The following AAK1 variants were observed in gnomAD, a reference collection of about 807,000 sequenced individuals.
The protein encoded by AAK1 is AP2-associated protein kinase 1.
AAK1 carries 37 observed loss-of-function variants against 116.0 expected under a neutral mutation model. That is an observed-to-expected ratio of 0.32 (90% CI 0.25 to 0.42). AAK1 has a LOEUF of 0.42. Among genes scored for constraint, AAK1 ranks in the 10% least tolerant of loss-of-function variants. The pLI, the probability that AAK1 is intolerant of heterozygous loss-of-function variation, is 1.00. For missense variants in AAK1, 919 were observed against 1,170.6 expected (o/e 0.79, Z 3.14); for synonymous variants, 458 against 439.9 (o/e 1.04, Z -0.51).
At chr2:69,522,690 G>T (rs542919387) in intron 10 of AAK1, among the ~76,000 whole-genome samples, 1 of 152,150 alleles carries the variant, frequency 6.6e-6, no homozygotes, top group South Asian at 2.1e-4. Context: ...TGTAGTCCCA[G>T]CTACTCGGGA....
rs1674545178 is a variant in AAK1 at position 69,467,982 on chromosome 2, A to T, written c.*7887T>A. 1.0e-6 allele frequency: 1 copy of T among 985,324 alleles called. No individual in the cohort carries two copies. Among genetic ancestry groups the T allele is most frequent in the Non-Finnish European group, 1.2e-6 (1 of 829,934 alleles). 61.0% of individuals were successfully genotyped at this position (985,324 alleles called of 1,614,324 possible). ...TATTGTTTTCAGAAACAGAACAAAAATGTGTTTGTCCTCCATTTTTATTTT... is the reference window on the plus strand; with the variant it reads ...TATTGTTTTCAGAAACAGAACAAAATTGTGTTTGTCCTCCATTTTTATTTT... On this transcript the variant is annotated 3_prime_UTR_variant, in exon 22 of 22. Coordinates refer to ENST00000409085, the MANE Select transcript of AAK1 (RefSeq NM_014911.5).
chr2:69,496,855 C>T (rs115591704), intron 16 of AAK1, among the ~76,000 whole-genome samples: 236 of 152,228 alleles, frequency 1.6e-3, no homozygotes, highest in African/African-American at 3.8e-3. Flanking sequence ...TAGTGATAGG[C>T]AGACACACAG....
chr2:69,642,618 T>C (rs1435418223), intron 2 of AAK1, among the ~76,000 whole-genome samples: 1 of 152,038 alleles, frequency 6.6e-6, no homozygotes, highest in African/African-American at 2.4e-5. Flanking sequence ...ATCCTCAAAA[T>C]TTGGCTTCTC....
chr2:69,469,658 C>G lies in AAK1; in HGVS notation c.*6211G>C. The G allele has an allele frequency of 1.0e-6, 1 of 985,462 alleles. No homozygotes were observed. Among genetic ancestry groups the G allele is most frequent in the Non-Finnish European group, 1.2e-6 (1 of 829,946 alleles). The allele number at this position is 985,462 out of a possible 1,614,324, so 61.0% of individuals were successfully genotyped here. A position where few individuals can be genotyped will look rare whatever the true frequency, so the allele number is the denominator to read the frequency against. The stretch of plus-strand genomic sequence containing the variant: ...TCAGGGGCTAAAGCCCAGGGCCTGG[C>G]TTCATAGTCTGCACAGGGTCTTACT... On this transcript the variant is annotated 3_prime_UTR_variant, in exon 22 of 22. Transcript: ENST00000409085.
In AAK1 at chr2:69,470,813, T is replaced by A. The variant is rs1674649802; in HGVS notation, c.*5056A>T. The A allele has an allele frequency of 1.0e-6, 1 of 985,734 alleles. No homozygotes were observed. The highest frequency in any genetic ancestry group is 1.7e-5 in the African/African-American group (1 of 57,240). 61.1% of individuals were successfully genotyped at this position (985,734 alleles called of 1,614,324 possible). A position where few individuals can be genotyped will look rare whatever the true frequency, so the allele number is the denominator to read the frequency against. ...TATACTTTTCTTGTGCCCAGGTACT[T>A]ATTGTCACTCAATACTGTGATTAAA... is the stretch of plus-strand genomic sequence containing the variant. On this transcript the variant is annotated 3_prime_UTR_variant, in exon 22 of 22. Transcript: ENST00000409085.
chr2:69,523,152 T>C (rs10195226), intron 10 of AAK1, among the ~76,000 whole-genome samples: 5 of 152,364 alleles, frequency 3.3e-5, no homozygotes, highest in African/African-American at 1.2e-4. Context: ...TTGTATGGAC[T>C]TCAATGAGTA....
intron 2 of AAK1, among the ~76,000 whole-genome samples, chr2:69,639,321 T>C (rs952366404): frequency 5.9e-5 from 9 of 152,222 alleles, no homozygotes; most frequent in Non-Finnish European, 8.8e-5. Context: ...AATTTTCCCA[T>C]TGAGCTCATT....
Position 69,554,433 on chromosome 2 carries a change from A to C in AAK1, c.282+2427T>G, listed in dbSNP as rs555199924. 8.5e-5 allele frequency among the ~76,000 whole-genome samples: 13 copies of C among 152,370 alleles called. 1 individual carries two copies. The South Asian group carries it at 1.0e-3, about 12-fold the overall frequency. Reference sequence around the variant, plus strand: ...TTTAGTGAAAGCAAAGTTACATAGGAAAGGCATAGGAATCATAGTCCACCA... The same window carrying C: ...TTTAGTGAAAGCAAAGTTACATAGGCAAGGCATAGGAATCATAGTCCACCA... On this transcript the variant is annotated intron_variant, in intron 3 of 21. Transcript: ENST00000409085.
intron 17 of AAK1, among the ~76,000 whole-genome samples, chr2:69,483,101 C>T (rs1040635307): frequency 1.3e-5 from 2 of 152,112 alleles, no homozygotes; most frequent in African/African-American, 4.8e-5. Flanking sequence ...CAATAAAAGT[C>T]GCCCATTTTA....
intron 2 of AAK1, among the ~76,000 whole-genome samples, chr2:69,582,186 G>A (rs1449442329): frequency 6.6e-6 from 1 of 151,890 alleles, no homozygotes; most frequent in Non-Finnish European, 1.5e-5. Flanking sequence ...AGCCTGAGTG[G>A]GGCCCTGGAT....
At chr2:69,553,437 G>GTTTTTTTTTTTTTTTTTTT (rs70954350) in intron 3 of AAK1, among the ~76,000 whole-genome samples, 2 of 79,598 alleles carry the variant, frequency 2.5e-5, no homozygotes, top group African/African-American at 1.1e-4. Flanking sequence ...ATTGAAAGTT[G>GTTTTTTTTTTTTTTTTTTT]TTTTTTTTTT....
intron 20 of AAK1, among the ~76,000 whole-genome samples, chr2:69,477,313 T>A (rs567332989): frequency 6.6e-6 from 1 of 152,262 alleles, no homozygotes; most frequent in South Asian, 2.1e-4. Flanking sequence ...GGCATAGGAA[T>A]AAGTCACTTG....
intron 2 of AAK1, among the ~76,000 whole-genome samples, chr2:69,584,506 T>A (rs1448377302): frequency 6.6e-6 from 1 of 152,160 alleles, no homozygotes; most frequent in Non-Finnish European, 1.5e-5. Flanking sequence ...AGGGGTAACT[T>A]TTTCTCTTGG....
At chr2:69,478,284 T>C (rs981874245) in intron 20 of AAK1, among the ~76,000 whole-genome samples, 9 of 152,244 alleles carry the variant, frequency 5.9e-5, no homozygotes, top group Admixed American at 4.6e-4. Context: ...AGGCAGGCAG[T>C]AGATAGTCAC....
At chr2:69,629,156 C>T (rs1028596030) in intron 2 of AAK1, among the ~76,000 whole-genome samples, 5 of 152,210 alleles carry the variant, frequency 3.3e-5, no homozygotes, top group African/African-American at 1.2e-4. Context: ...GGACCTGGAG[C>T]CAATCTATGC....
intron 3 of AAK1, among the ~76,000 whole-genome samples, chr2:69,547,993 C>T (rs1320338885): frequency 1.3e-5 from 2 of 152,044 alleles, no homozygotes; most frequent in Non-Finnish European, 2.9e-5. Flanking sequence ...TAAGTGAAAA[C>T]AGACACAAGA....
At chr2:69,642,732 C>T in intron 2 of AAK1, 146 bp downstream of exon 2, 1 of 1,222,484 alleles carries the variant, frequency 8.2e-7, no homozygotes, top group East Asian at 2.5e-5. Context: ...TTTTAAATCT[C>T]TCAAGGACAA....
At chr2:69,642,811 C>T in intron 2 of AAK1, 67 bp downstream of exon 2, 1 of 1,604,916 alleles carries the variant, frequency 6.2e-7, no homozygotes, top group Non-Finnish European at 8.5e-7. Context: ...CATGCAACAA[C>T]TAGAAACCAC....
At chr2:69,556,806 G>C in intron 3 of AAK1, 54 bp downstream of exon 3, 2 of 1,393,774 alleles carry the variant, frequency 1.4e-6, no homozygotes, top group Non-Finnish European at 2.0e-6. Context: ...CTTATGAGAG[G>C]GTACAATCTC....
Sources: allele counts gnomAD v4.1 joint callset (sites outside exome capture counted in the v4.1 genomes callset), GRCh38; gene constraint gnomAD v4.1.1; transcripts MANE v1.5; gene names NCBI Gene and HGNC (gene_info 2026-07-23, HGNC 2026-07-21).